The following GRM3 variants were observed in gnomAD, a reference collection of about 807,000 sequenced individuals.
GRM3 encodes the protein glutamate metabotropic receptor 3.
GRM3 carries 26 observed loss-of-function variants against 70.5 expected under a neutral mutation model. The ratio of observed to expected loss-of-function variants is 0.37; its 90% CI spans 0.27 to 0.51. The LOEUF (loss-of-function observed/expected upper bound fraction) is 0.51, where lower values mean the gene tolerates loss of function less well. Ranked by LOEUF, GRM3 falls within the 20% of genes least tolerant of loss-of-function variation. The pLI is 0.93. For missense variants in GRM3, 859 were observed against 1,123.8 expected, an observed-to-expected ratio of 0.76 and a Z score of 3.37; for synonymous variants, 443 against 434.9, an observed-to-expected ratio of 1.02 and a Z score of -0.23.
intron 2 of GRM3, among the ~76,000 whole-genome samples, chr7:86,770,587 AC>A (rs894843818): frequency 7.9e-5 from 12 of 151,990 alleles, no homozygotes; most frequent in African/African-American, 2.9e-4. Context: ...CCTCTATTAT[AC>A]CCCCTTCACT....
intron 1 of GRM3, among the ~76,000 whole-genome samples, chr7:86,700,497 T>C (rs1005564637): frequency 6.6e-6 from 1 of 151,970 alleles, no homozygotes; most frequent in Non-Finnish European, 1.5e-5. Flanking sequence ...ACCATGACTT[T>C]CATTTTTTCA....
At chr7:86,824,672 A>T (rs187549383) in intron 3 of GRM3, among the ~76,000 whole-genome samples, 1 of 152,320 alleles carries the variant, frequency 6.6e-6, no homozygotes, top group East Asian at 1.9e-4. Context: ...CACATGTACT[A>T]CTAACTTTCT....
intron 2 of GRM3, among the ~76,000 whole-genome samples, chr7:86,772,984 GT>G (rs201370922): frequency 2.9e-4 from 43 of 149,058 alleles, no homozygotes; most frequent in Middle Eastern, 3.4e-3. Flanking sequence ...CTAAAACTGA[GT>G]TTTTTTTTTA....
At chr7:86,802,703 C>T (rs2116625831) in intron 3 of GRM3, among the ~76,000 whole-genome samples, 1 of 151,952 alleles carries the variant, frequency 6.6e-6, no homozygotes, top group Middle Eastern at 3.4e-3. Context: ...AATTACAAAC[C>T]TCCATATATT....
At chr7:86,830,053 C>T (rs552592199) in intron 3 of GRM3, among the ~76,000 whole-genome samples, 1 of 152,336 alleles carries the variant, frequency 6.6e-6, no homozygotes, top group South Asian at 2.1e-4. Flanking sequence ...CAGTGCCTCA[C>T]TTGTATCTTC....
At chr7:86,711,061 A>G (rs1795188019) in intron 1 of GRM3, among the ~76,000 whole-genome samples, 1 of 152,072 alleles carries the variant, frequency 6.6e-6, no homozygotes, top group African/African-American at 2.4e-5. Flanking sequence ...GTGGCCTTAG[A>G]GAAGTACTCT....
intron 3 of GRM3, among the ~76,000 whole-genome samples, chr7:86,819,809 T>G (rs935100422): frequency 2.0e-5 from 3 of 152,132 alleles, no homozygotes; most frequent in Admixed American, 6.6e-5. Flanking sequence ...GTGAAAATAG[T>G]CAAAAATTCT....
intron 4 of GRM3, among the ~76,000 whole-genome samples, chr7:86,841,586 T>G (rs1356333407): frequency 6.6e-6 from 1 of 152,128 alleles, no homozygotes; most frequent in African/African-American, 2.4e-5. Context: ...GCAGACATGA[T>G]TTGGAGTACT....
chr7:86,745,089 C>G (rs990158306), intron 1 of GRM3, among the ~76,000 whole-genome samples: 26 of 152,068 alleles, frequency 1.7e-4, no homozygotes, highest in African/African-American at 6.3e-4. Flanking sequence ...ATTTCCCTTC[C>G]ATCTCATAAC....
intron 4 of GRM3, among the ~76,000 whole-genome samples, chr7:86,847,660 G>A (rs1035171409): frequency 6.6e-6 from 1 of 152,072 alleles, no homozygotes. Context: ...AACCACTGAG[G>A]GAAAGATGTG....
intron 1 of GRM3, among the ~76,000 whole-genome samples, chr7:86,711,788 A>G (rs933364025): frequency 2.2e-4 from 33 of 152,130 alleles, no homozygotes; most frequent in African/African-American, 7.9e-4. Flanking sequence ...TCCATTACAC[A>G]TATAATTCCC....
intron 1 of GRM3, among the ~76,000 whole-genome samples, chr7:86,683,396 G>A (rs1270913948): frequency 6.6e-6 from 1 of 152,102 alleles, no homozygotes; most frequent in Non-Finnish European, 1.5e-5. Context: ...AAAGATGGAG[G>A]TATGTTGTAC....
chr7:86,704,290 C>T (rs1415813156), intron 1 of GRM3, among the ~76,000 whole-genome samples: 1 of 151,770 alleles, frequency 6.6e-6, no homozygotes, highest in African/African-American at 2.4e-5. Flanking sequence ...TGATTAGATG[C>T]TTTCTGGGTT....
At chr7:86,685,632 C>A (rs144538040) in intron 1 of GRM3, among the ~76,000 whole-genome samples, 1 of 152,112 alleles carries the variant, frequency 6.6e-6, no homozygotes, top group South Asian at 2.1e-4. Context: ...GGGGGCCGGG[C>A]ACGGTGGCTC....
intron 2 of GRM3, among the ~76,000 whole-genome samples, chr7:86,783,028 CCTTT>C (rs1797115863): frequency 6.6e-6 from 1 of 152,048 alleles, no homozygotes; most frequent in Admixed American, 6.6e-5. Context: ...TGTAGGAGTT[CCTTT>C]ATTTCTTTAT....
chr7:86,756,384 C>G (rs1442152629), intron 1 of GRM3, among the ~76,000 whole-genome samples: 2 of 152,062 alleles, frequency 1.3e-5, no homozygotes, highest in Non-Finnish European at 2.9e-5. Context: ...TGGCCCTCCT[C>G]TAGCATTTCT....
At chr7:86,700,422 A>G (rs1408682056) in intron 1 of GRM3, among the ~76,000 whole-genome samples, 1 of 151,874 alleles carries the variant, frequency 6.6e-6, no homozygotes, top group Non-Finnish European at 1.5e-5. Flanking sequence ...TGCGAGGTGA[A>G]ATGAGAGCCT....
At chr7:86,827,519 T>TG (rs1798258027) in intron 3 of GRM3, among the ~76,000 whole-genome samples, 1 of 148,136 alleles carries the variant, frequency 6.8e-6, no homozygotes, top group Admixed American at 6.7e-5. Context: ...ATAAATCACT[T>TG]TTTTTTTTTT....
intron 3 of GRM3, among the ~76,000 whole-genome samples, chr7:86,836,110 A>G (rs1436925180): frequency 6.6e-6 from 1 of 152,216 alleles, no homozygotes; most frequent in Admixed American, 6.5e-5. Flanking sequence ...AAAAAGATAA[A>G]AATACCCAAG....
Sources: gnomAD v4.1 joint callset for allele counts (sites outside exome capture counted in the v4.1 genomes callset) on GRCh38, gnomAD v4.1.1 for gene constraint, MANE v1.5 for transcripts, NCBI Gene and HGNC (gene_info 2026-07-23, HGNC 2026-07-21) for gene names.